Variants in ACER3 observed in about 807,000 individuals in gnomAD.
The protein encoded by ACER3 is alkaline ceramidase 3, also known as alkCDase 3.
A neutral mutation model predicts 48.9 loss-of-function variants in ACER3; 16 were observed. The observed-to-expected ratio is 0.33, with a 90% confidence interval of 0.22 to 0.50. The LOEUF (loss-of-function observed/expected upper bound fraction) is 0.50. Ranked by LOEUF, ACER3 falls within the 20% of genes least tolerant of loss-of-function variation. The pLI is 0.98. For missense variants in ACER3, 227 were observed against 326.0 expected (o/e 0.70, Z 2.34); for synonymous variants, 109 against 107.8 (o/e 1.01, Z -0.07).
rs534066336 is a variant in ACER3 at position 76,864,041 on chromosome 11, A to G, written c.103+2962A>G. Reference sequence around the variant, plus strand: ...ATTCAGTTTACTCAACCATCTTTCAACTATCTTTCAGCATTAGAATATATG... The same window carrying G: ...ATTCAGTTTACTCAACCATCTTTCAGCTATCTTTCAGCATTAGAATATATG... On this transcript the variant is annotated intron_variant, in intron 1 of 10. Transcript: ENST00000532485. Among the ~76,000 whole-genome samples, 283 of 152,342 alleles carry G rather than the reference A, an allele frequency of 1.9e-3. 1 individual carries two copies. Among genetic ancestry groups the G allele is most frequent in the African/African-American group, 5.4e-3 (225 of 41,580 alleles).
chr11:77,014,860 C>T (rs1555022931), intron 7 of ACER3, among the ~76,000 whole-genome samples, 156 bp from the exon 8 acceptor site: 1 of 152,174 alleles, frequency 6.6e-6, no homozygotes, highest in African/African-American at 2.4e-5. Flanking sequence ...CTGGAATGTA[C>T]AATGATCACA....
rs34786738 is a variant in ACER3, at chr11:76,975,874, C to CTTTTTTTTTTTTTTT, written c.268-406_268-392dup. 6.8e-4 allele frequency among the ~76,000 whole-genome samples: 56 copies of CTTTTTTTTTTTTTTT among 82,712 alleles called. 1 individual carries two copies. The highest frequency in any genetic ancestry group is 2.4e-3 in the African/African-American group (53 of 22,406). 54.3% of individuals were successfully genotyped at this position (82,712 alleles called of 152,430 possible). On this transcript the variant is annotated intron_variant, in intron 3 of 10. Coordinates refer to ENST00000532485, the MANE Select transcript of ACER3 (RefSeq NM_018367.7). ...AAGAGCTGAAACCTTTTTTTCTTTT[C>CTTTTTTTTTTTTTTT]TTTTTTTTTTTTTTTTTTTTTTTGA...
chr11:76,882,098 G>A (rs1291680269), intron 1 of ACER3, among the ~76,000 whole-genome samples: 2 of 148,772 alleles, frequency 1.3e-5, no homozygotes, highest in South Asian at 2.1e-4. Flanking sequence ...TCCACCTCCC[G>A]AGTTCATGCC....
At chr11:76,867,110 A>G (rs1945110435) in intron 1 of ACER3, among the ~76,000 whole-genome samples, 1 of 152,208 alleles carries the variant, frequency 6.6e-6, no homozygotes, top group African/African-American at 2.4e-5. Context: ...GCAGATATTT[A>G]CTGAGTACCT....
intron 1 of ACER3, among the ~76,000 whole-genome samples, chr11:76,895,160 C>T (rs1945897648): frequency 6.6e-6 from 1 of 152,058 alleles, no homozygotes; most frequent in Admixed American, 6.6e-5. Flanking sequence ...CTGAATACTT[C>T]CTTTCTACTA....
rs188546890 is a variant in ACER3, at chr11:77,019,373, T to C, written c.705-358T>C. Among the ~76,000 whole-genome samples the C allele has an allele frequency of 5.7e-3, 867 of 152,116 alleles. 11 individuals are homozygous for C. The highest frequency in any genetic ancestry group is 0.02 in the African/African-American group (817 of 41,530). Reference sequence around the variant, plus strand: ...ACTCAGGAGGCTGAGGCAGGAGAATTGCTTGAACCTGGGAGGCGGAGGTTG... The same window carrying C: ...ACTCAGGAGGCTGAGGCAGGAGAATCGCTTGAACCTGGGAGGCGGAGGTTG... On this transcript the variant is annotated intron_variant, in intron 9 of 10. Coordinates refer to ENST00000532485, the MANE Select transcript of ACER3 (RefSeq NM_018367.7).
At chr11:76,986,418 A>T (rs1478332161) in intron 5 of ACER3, among the ~76,000 whole-genome samples, 2 of 152,248 alleles carry the variant, frequency 1.3e-5, no homozygotes, top group Non-Finnish European at 2.9e-5. Flanking sequence ...AGCTTCTGAG[A>T]TGAGGCACTT....
At chr11:77,005,061 G>A (rs578213030) in intron 7 of ACER3, among the ~76,000 whole-genome samples, 10 of 140,396 alleles carry the variant, frequency 7.1e-5, no homozygotes, top group South Asian at 4.5e-4. Flanking sequence ...TTTTTGAGAC[G>A]GAGTCTCACT....
chr11:76,923,061 A>G (rs1010414469), intron 1 of ACER3, among the ~76,000 whole-genome samples: 4 of 152,080 alleles, frequency 2.6e-5, no homozygotes, highest in Admixed American at 2.6e-4. Context: ...AGATAATGCT[A>G]AACAACTTTA....
At chr11:76,965,737 C>A (rs1221580592) in intron 3 of ACER3, among the ~76,000 whole-genome samples, 1 of 151,006 alleles carries the variant, frequency 6.6e-6, no homozygotes, top group Admixed American at 6.6e-5. Context: ...GAAATAAAAT[C>A]CTTTACAGAC....
intron 1 of ACER3, among the ~76,000 whole-genome samples, chr11:76,879,679 G>A (rs1945475131): frequency 6.6e-6 from 1 of 152,212 alleles, no homozygotes. Flanking sequence ...AAGTGATCAT[G>A]TGATTTTATC....
chr11:76,934,133 G>A (rs1441457232), intron 2 of ACER3, among the ~76,000 whole-genome samples: 4 of 151,718 alleles, frequency 2.6e-5, no homozygotes, highest in East Asian at 1.9e-4. Flanking sequence ...ATGGGAGGGC[G>A]GCCGGGCAGA....
chr11:76,996,764 C>T (rs1411022499), intron 6 of ACER3, among the ~76,000 whole-genome samples: 7 of 139,142 alleles, frequency 5.0e-5, no homozygotes, highest in East Asian at 2.2e-4. Flanking sequence ...CTTGCTCTGT[C>T]GCCCAGGCTA....
chr11:77,015,144 AAT>A (rs1440301126), intron 8 of ACER3, 27 bp downstream of exon 8: 1 of 1,274,356 alleles, frequency 7.8e-7, no homozygotes, highest in Non-Finnish European at 1.1e-6. Context: ...TTCCTTCAGA[AAT>A]ATTTTTGGAA....
At chr11:76,898,728 C>A (rs112033957) in intron 1 of ACER3, among the ~76,000 whole-genome samples, 21 of 121,548 alleles carry the variant, frequency 1.7e-4, no homozygotes, top group Admixed American at 4.9e-4. Context: ...AACGGTGAAA[C>A]CCCGTCTCTA....
chr11:77,004,048 A>C (rs1949085290), intron 7 of ACER3, among the ~76,000 whole-genome samples: 1 of 152,196 alleles, frequency 6.6e-6, no homozygotes, highest in South Asian at 2.1e-4. Flanking sequence ...TTGTTTGATA[A>C]AATCTTCTAC....
intron 6 of ACER3, among the ~76,000 whole-genome samples, chr11:76,996,983 C>T (rs1329162050): frequency 6.6e-6 from 1 of 152,134 alleles, no homozygotes; most frequent in Non-Finnish European, 1.5e-5. Flanking sequence ...GCCTTGGGCT[C>T]CCAAAGTGCT....
chr11:76,934,280 C>T (rs1450411639), intron 2 of ACER3, among the ~76,000 whole-genome samples: 2 of 151,764 alleles, frequency 1.3e-5, no homozygotes, highest in Admixed American at 6.6e-5. Flanking sequence ...ACTTCCCAGA[C>T]GGGGTGGCGG....
intron 1 of ACER3, among the ~76,000 whole-genome samples, chr11:76,895,426 C>T (rs1816748): frequency 2.6e-5 from 4 of 152,084 alleles, no homozygotes; most frequent in Non-Finnish European, 5.9e-5. Context: ...TTTAGGGCCA[C>T]GAGCAGAAGG....
Sources: allele counts gnomAD v4.1 joint callset (sites outside exome capture counted in the v4.1 genomes callset), GRCh38; gene constraint gnomAD v4.1.1; transcripts MANE v1.5; gene names NCBI Gene and HGNC (gene_info 2026-07-23, HGNC 2026-07-21).